CASKIN1: variants seen among roughly 807,000 people sequenced by gnomAD.
CASKIN1 encodes the protein CASK interacting protein 1, also known as caskin-1.
In CASKIN1, 42 loss-of-function variants were observed where a neutral mutation model predicts 117.5. The observed-to-expected ratio is 0.36, with a 90% confidence interval of 0.28 to 0.46. CASKIN1 has a LOEUF of 0.46. Ranked by LOEUF, CASKIN1 falls within the 20% of genes least tolerant of loss-of-function variation. The pLI, the probability that CASKIN1 is intolerant of heterozygous loss-of-function variation, is 1.00. For synonymous variants in CASKIN1, 1,148 were observed against 961.7 expected, an observed-to-expected ratio of 1.19 and a Z score of -3.59; for missense variants, 2,083 against 2,077.3, an observed-to-expected ratio of 1.00 and a Z score of -0.05.
chr16:2,196,531 TC>T lies in CASKIN1; in HGVS notation c.-100del, dbSNP rs960268829. 92 of 378,148 alleles carry T rather than the reference TC, an allele frequency of 2.4e-4. 2 individuals carry two copies. Among genetic ancestry groups the T allele is most frequent in the African/African-American group, 2.0e-3 (89 of 44,202 alleles). The allele number at this position is 378,148 out of a possible 1,614,324, so 23.4% of individuals were successfully genotyped here. Reference sequence around the variant, plus strand: ...GGCACCGGCCGCCTCCCCCGCCGCCTCCCCCGCCGCCTCCTCGCCGCCCGCC... The same window carrying T: ...GGCACCGGCCGCCTCCCCCGCCGCCTCCCCGCCGCCTCCTCGCCGCCCGCC... On this transcript the variant is annotated 5_prime_UTR_variant, in exon 1 of 20. Transcript: ENST00000343516. This position sits in a 1 kb window ranked among gnomAD's most constrained non-coding sequence, Gnocchi z 5.7.
chr16:2,183,294 C>T (rs921390823), intron 16 of CASKIN1, among the ~76,000 whole-genome samples: 13 of 152,206 alleles, frequency 8.5e-5, no homozygotes, highest in African/African-American at 3.1e-4. Flanking sequence ...GTAAGCATGG[C>T]CCCCTACAGT....
intron 14 of CASKIN1, among the ~76,000 whole-genome samples, chr16:2,184,504 G>A (rs1210282986): frequency 1.3e-5 from 2 of 152,040 alleles, no homozygotes; most frequent in East Asian, 1.9e-4. Context: ...ACAGACACGC[G>A]TGCCCAGCTC....
Position 2,189,543 on chromosome 16 carries a change from G to A in CASKIN1, c.266C>T (p.Ala89Val), listed in dbSNP as rs538769493. 4.2e-5 allele frequency: 68 copies of A among 1,609,156 alleles called. No individual in the cohort carries two copies. The highest frequency in any genetic ancestry group is 8.4e-5 in the Admixed American group (5 of 59,762). The change falls in exon 4 of 20, where the codon GCG (alanine) becomes GTG (valine). Residue 89 changes from alanine (A) to valine (V), a missense_variant. Around this residue, in one of 3 missense-constraint regions of CASKIN1, gnomAD observed 203 missense variants for 338.7 expected, o/e 0.60. Transcript: ENST00000343516. ...DNKGMRPLHYAAWQGRKEPMK... is the reference protein window; with the variant it reads ...DNKGMRPLHYVAWQGRKEPMK... ...GGGCTCCTTCCGGCCCTGCCAGGCC[G>A]CATAGTGCAGCGGCCGCATGCCTGG...
chr16:2,186,560 TG>T, intron 10 of CASKIN1, 146 bp downstream of exon 10: 1 of 651,520 alleles, frequency 1.5e-6, no homozygotes, highest in African/African-American at 1.8e-5. Flanking sequence ...AGACGGCCGC[TG>T]GGGCACCCTG....
rs1405905460 is a variant in CASKIN1 at position 2,178,911 on chromosome 16, T to C, written c.4190A>G (p.Gln1397Arg). The C allele has an allele frequency of 4.1e-6, 6 of 1,473,004 alleles. No homozygotes were observed. The South Asian group carries it at 7.8e-5, about 19-fold the overall frequency. The allele number at this position is 1,473,004 out of a possible 1,614,324, so 91.2% of individuals were successfully genotyped here. A position where few individuals can be genotyped will look rare whatever the true frequency, so the allele number is the denominator to read the frequency against. ...CCCGCCCCGCACCTACCGCGGGCCC[T>C]GCGCGTCCTCCTGCCGGATCTTCTC... is the stretch of plus-strand genomic sequence containing the variant. ...VEEKIRQEDA[Q>R]GPRDSAAEKS... The change falls in exon 19 of 20, where the codon CAG (glutamine) becomes CGG (arginine). Residue 1397 changes from glutamine (Q) to arginine (R), a missense_variant. Gln to Arg is a conservative substitution (Grantham distance 43). This residue lies in a region of CASKIN1 where 1,818 missense variants were observed against 1,688.9 expected (regional missense o/e 1.08). Coordinates refer to ENST00000343516, the MANE Select transcript of CASKIN1 (RefSeq NM_020764.4).
At chr16:2,185,590 G>A (rs897470150) in intron 10 of CASKIN1, among the ~76,000 whole-genome samples, 182 bp from the exon 11 acceptor site, 43 of 152,254 alleles carry the variant, frequency 2.8e-4, no homozygotes, top group Admixed American at 3.3e-4. Context: ...CAGGAGAGAG[G>A]CAGAGACAGC....
chr16:2,177,369 C>G lies in CASKIN1; in HGVS notation c.*1181G>C, dbSNP rs1596682219. 2 of 233,732 alleles carry G rather than the reference C, an allele frequency of 8.6e-6. No homozygotes were observed. Among genetic ancestry groups the G allele is most frequent in the East Asian group, 1.2e-4 (2 of 16,562 alleles). The allele number at this position is 233,732 out of a possible 1,614,324, so 14.5% of individuals were successfully genotyped here. On this transcript the variant is annotated 3_prime_UTR_variant, in exon 20 of 20. Coordinates refer to ENST00000343516, the MANE Select transcript of CASKIN1 (RefSeq NM_020764.4). ...CCTGCACGCCGGGACGCCACCTCCG[C>G]CAGCCGCCTCCACCCGCCCCACACC...
At chr16:2,189,848 G>C (rs1005180815) in intron 3 of CASKIN1, among the ~76,000 whole-genome samples, 1 of 152,018 alleles carries the variant, frequency 6.6e-6, no homozygotes, top group African/African-American at 2.4e-5. Flanking sequence ...GCTGGGAGCT[G>C]ACCCCTGACC....
At position 2,184,933 on chromosome 16, in the gene CASKIN1, C is replaced by T. The variant is rs748001502; in HGVS notation, c.1324+18G>A. 1.9e-6 allele frequency: 3 copies of T among 1,586,628 alleles called. No individual in the cohort carries two copies. Among genetic ancestry groups the T allele is most frequent in the East Asian group, 2.3e-5 (1 of 44,290 alleles). ...TGCTTTCCTCCATCGGGCTGCGTGGCAGCACCCTTGCTCTTACCTGCAGAG... is the reference window on the plus strand; with the variant it reads ...TGCTTTCCTCCATCGGGCTGCGTGGTAGCACCCTTGCTCTTACCTGCAGAG... On this transcript the variant is annotated intron_variant, in intron 13 of 19. Coordinates refer to ENST00000343516, the MANE Select transcript of CASKIN1 (RefSeq NM_020764.4).
Position 2,180,686 on chromosome 16 carries a change from C to T in CASKIN1, c.2682G>A (p.Glu894=). 6.6e-7 allele frequency: 1 copy of T among 1,503,880 alleles called. No homozygotes were observed. Among genetic ancestry groups the T allele is most frequent in the Non-Finnish European group, 8.8e-7 (1 of 1,131,916 alleles). The allele number at this position is 1,503,880 out of a possible 1,614,324, so 93.2% of individuals were successfully genotyped here. A position where few individuals can be genotyped will look rare whatever the true frequency, so the allele number is the denominator to read the frequency against. ...NRYAASDSEP[E]RDELLVPAAA... ...CCGCAGGCACCAGCAGCTCGTCCCGCTCCGGCTCGCTGTCGGACGCCGCAT... is the reference window on the plus strand; with the variant it reads ...CCGCAGGCACCAGCAGCTCGTCCCGTTCCGGCTCGCTGTCGGACGCCGCAT... The change falls in exon 18 of 20, where the codon GAG becomes GAA. Residue 894 remains glutamate (E), a synonymous_variant. Transcript: ENST00000343516.
chr16:2,185,327 A>C lies in CASKIN1; in HGVS notation c.1130T>G (p.Val377Gly). 6 of 1,604,100 alleles carry C rather than the reference A, an allele frequency of 3.7e-6. No homozygotes were observed. The highest frequency in any genetic ancestry group is 5.1e-6 in the Non-Finnish European group (6 of 1,173,204). The change falls in exon 11 of 20, where the codon GTG becomes GGG. Residue 377 changes from valine (V) to glycine (G), a missense_variant. Transcript: ENST00000343516. ...GPSAPPEEIW[V>G]LRKPFAGGDR... Reference sequence around the variant, plus strand: ...CCTACCTGCAAAAGGCTTCCTCAGCACCCAGATCTCCTCTGGGGGTGCAGA... The same window carrying C: ...CCTACCTGCAAAAGGCTTCCTCAGCCCCCAGATCTCCTCTGGGGGTGCAGA...
At chr16:2,189,933 A>G in intron 3 of CASKIN1, 140 bp downstream of exon 3, 1 of 727,242 alleles carries the variant, frequency 1.4e-6, no homozygotes. Context: ...GGCCTCCAGG[A>G]CCCTGATCCC....
chr16:2,177,845 GGAGCCCCCGGCA>G lies in CASKIN1; in HGVS notation c.*693_*704del, dbSNP rs1043186666. 8 of 272,736 alleles carry G rather than the reference GGAGCCCCCGGCA, an allele frequency of 2.9e-5. No individual in the cohort carries two copies. The highest frequency in any genetic ancestry group is 4.3e-5 in the Non-Finnish European group (6 of 140,942). 16.9% of individuals were successfully genotyped at this position (272,736 alleles called of 1,614,324 possible). A position where few individuals can be genotyped will look rare whatever the true frequency, so the allele number is the denominator to read the frequency against. On this transcript the variant is annotated 3_prime_UTR_variant, in exon 20 of 20. Transcript: ENST00000343516. ...AGAGAACTTAGGAGAGAAGCACGGA[GGAGCCCCCGGCA>G]GAGCACCCGCCCCCGGGCCCCAGCC...
intron 10 of CASKIN1, among the ~76,000 whole-genome samples, chr16:2,186,220 C>T (rs2093183983): frequency 1.3e-5 from 2 of 152,226 alleles, no homozygotes; most frequent in Non-Finnish European, 2.9e-5. Context: ...CCTCTAGCCT[C>T]GGCCTCCCAA....
rs759251758 is a variant in CASKIN1, at chr16:2,181,942, C to G, written c.1630-13G>C. 4 of 1,612,522 alleles carry G rather than the reference C, an allele frequency of 2.5e-6. No homozygotes were observed. In the Admixed American group the frequency reaches 6.7e-5, roughly 27 times the overall value. ...CGGCCAGGTTAGCCTACAGAGCAGA[C>G]ACACAGAGGAGCCACCTGGGCTGGC... On this transcript the variant is annotated splice_polypyrimidine_tract_variant and intron_variant, in intron 16 of 19. Transcript: ENST00000343516.
chr16:2,179,383 G>A lies in CASKIN1; in HGVS notation c.3776-58C>T. On this transcript the variant is annotated intron_variant, in intron 18 of 19. Transcript: ENST00000343516. The surrounding 1 kb of genome is among the most constrained non-coding windows in gnomAD (Gnocchi z 5.8). ...CACGAGTTCCGCCGCCGCGCCCCCT[G>A]CCCCAGCCTCCCGCGGCTTCCTCCC... 1 of 1,336,960 alleles carries A rather than the reference G, an allele frequency of 7.5e-7. No homozygotes were observed. Among genetic ancestry groups the A allele is most frequent in the Non-Finnish European group, 9.5e-7 (1 of 1,050,686 alleles). 82.8% of individuals were successfully genotyped at this position (1,336,960 alleles called of 1,614,324 possible).
Position 2,196,373 on chromosome 16 carries a change from C to T in CASKIN1, c.60G>A (p.Gln20=), listed in dbSNP as rs751000207. ...CGGGCCGCGGCCTCTGCAGCAGCCTCTGCGCGGTCCCTACGTCCTCCGCCT... is the reference window on the plus strand; with the variant it reads ...CGGGCCGCGGCCTCTGCAGCAGCCTTTGCGCGGTCCCTACGTCCTCCGCCT... The part of the protein sequence containing the change: ...AVKAEDVGTA[Q]RLLQRPRPGK... The change falls in exon 1 of 20, where the codon CAG becomes CAA. Residue 20 remains glutamine, a synonymous_variant. Coordinates refer to ENST00000343516, the MANE Select transcript of CASKIN1 (RefSeq NM_020764.4). This position sits in a 1 kb window ranked among gnomAD's most constrained non-coding sequence, Gnocchi z 5.7. 1.5e-6 allele frequency: 2 copies of T among 1,365,052 alleles called. No homozygotes were observed. Among genetic ancestry groups the T allele is most frequent in the South Asian group, 2.9e-5 (2 of 70,116 alleles). The allele number at this position is 1,365,052 out of a possible 1,614,324, so 84.6% of individuals were successfully genotyped here. A position where few individuals can be genotyped will look rare whatever the true frequency, so the allele number is the denominator to read the frequency against.
At chr16:2,185,506 T>C in intron 10 of CASKIN1, 98 bp from the exon 11 acceptor site, 3 of 1,001,714 alleles carry the variant, frequency 3.0e-6, no homozygotes, top group South Asian at 1.7e-5. Context: ...CAGCCGGGGG[T>C]CCTCTCTGCC....
intron 14 of CASKIN1, among the ~76,000 whole-genome samples, chr16:2,184,547 A>G (rs549728342): frequency 1.2e-4 from 19 of 152,230 alleles, no homozygotes; most frequent in Middle Eastern, 6.8e-3. Context: ...ACACGCACAC[A>G]CAGAGGCACA....
Sources: gnomAD v4.1 joint callset for allele counts (sites outside exome capture counted in the v4.1 genomes callset) on GRCh38, gnomAD v4.1.1 for gene constraint, gnomAD v4.1.1 regional missense constraint, Gnocchi (gnomAD v3.1) non-coding constraint, MANE v1.5 for transcripts, NCBI Gene and HGNC (gene_info 2026-07-23, HGNC 2026-07-21) for gene names.